The following TMIGD2 variants were observed in gnomAD, a reference collection of about 807,000 sequenced individuals.
TMIGD2 encodes transmembrane and immunoglobulin domain containing 2, also known as transmembrane and immunoglobulin domain-containing protein 2.
In TMIGD2, 18 loss-of-function variants were observed where a neutral mutation model predicts 22.6. The observed-to-expected ratio is 0.80, with a 90% CI of 0.55 to 1.18. The LOEUF (loss-of-function observed/expected upper bound fraction) is 1.18, where lower values mean the gene tolerates loss of function less well. TMIGD2 is among the 50% of genes most tolerant of loss of function. TMIGD2 has a pLI of 0.00. For synonymous variants in TMIGD2, 184 were observed against 154.1 expected, an observed-to-expected ratio of 1.19 and a Z score of -1.44; for missense variants, 361 against 378.2, an observed-to-expected ratio of 0.95 and a Z score of 0.38.
chr19:4,293,260 CTT>C (rs150388447), intron 4 of TMIGD2, among the ~76,000 whole-genome samples: 19 of 112,386 alleles, frequency 1.7e-4, no homozygotes, highest in East Asian at 5.3e-4. Context: ...CGCGCCCGGC[CTT>C]TTTTTTTTTT....
At chr19:4,296,025 C>A (rs1452808769) in intron 2 of TMIGD2, among the ~76,000 whole-genome samples, 1 of 151,996 alleles carries the variant, frequency 6.6e-6, no homozygotes, top group Non-Finnish European at 1.5e-5. Flanking sequence ...CTCAAGTGAT[C>A]CTCCCGCCTC....
At chr19:4,294,581 G>A in exon 4 of TMIGD2, 2 of 1,612,196 alleles carry the variant, frequency 1.2e-6, no homozygotes, top group South Asian at 2.2e-5. Flanking sequence ...GCTGTTACCT[G>A]AGTCCCTTTG....
At chr19:4,294,597 A>T (rs1971433740) in exon 4 of TMIGD2, 1 of 1,611,268 alleles carries the variant, frequency 6.2e-7, no homozygotes. Flanking sequence ...CTTTGCTGGC[A>T]GCTGCGGCGG....
chr19:4,294,224 C>A (rs535687879), intron 4 of TMIGD2, among the ~76,000 whole-genome samples: 1 of 151,628 alleles, frequency 6.6e-6, no homozygotes, highest in East Asian at 1.9e-4. Context: ...TCTGCCACCA[C>A]ACCTAGCTAA....
At chr19:4,294,268 C>T (rs1971427156) in intron 4 of TMIGD2, among the ~76,000 whole-genome samples, 1 of 151,536 alleles carries the variant, frequency 6.6e-6, no homozygotes, top group African/African-American at 2.4e-5. Context: ...AAGGTTTCAC[C>T]ATATTGTCCA....
chr19:4,296,510 C>T (rs1054213630), intron 2 of TMIGD2, among the ~76,000 whole-genome samples: 1 of 152,222 alleles, frequency 6.6e-6, no homozygotes, highest in African/African-American at 2.4e-5. Context: ...AGCTGCTGTT[C>T]AGGATTGGTG....
At chr19:4,296,716 C>T (rs1441599029) in intron 2 of TMIGD2, among the ~76,000 whole-genome samples, 1 of 152,192 alleles carries the variant, frequency 6.6e-6, no homozygotes, top group Non-Finnish European at 1.5e-5. Flanking sequence ...GCACGTGTCC[C>T]CCGCCAGCAG....
chr19:4,297,896 GT>G, intron 2 of TMIGD2, 89 bp downstream of exon 2: 1 of 1,402,826 alleles, frequency 7.1e-7, no homozygotes, highest in East Asian at 2.6e-5. Context: ...AGAATTTAGA[GT>G]TTTTTGTTTC....
intron 2 of TMIGD2, among the ~76,000 whole-genome samples, chr19:4,295,715 C>T (rs1181344354): frequency 2.6e-5 from 4 of 152,052 alleles, no homozygotes; most frequent in Non-Finnish European, 4.4e-5. Flanking sequence ...TTGTTTGAGC[C>T]TCTACTCCAT....
rs1414149320 is a variant in TMIGD2, at chr19:4,297,970, C to A, written c.406+16G>T. The A allele has an allele frequency of 6.5e-7, 1 of 1,548,650 alleles. No homozygotes were observed. The highest frequency in any genetic ancestry group is 1.2e-5 in the South Asian group (1 of 81,122). Reference sequence around the variant, plus strand: ...TCCTCCCCACTGCCCCTCCCTCTCCCCGCTGGCTCCCGTACCTGGGTCCAC... The same window carrying A: ...TCCTCCCCACTGCCCCTCCCTCTCCACGCTGGCTCCCGTACCTGGGTCCAC... On this transcript the variant is annotated intron_variant, in intron 2 of 4. Coordinates refer to ENST00000301272, the Ensembl canonical transcript of TMIGD2.
chr19:4,292,544 C>T (rs748937434), exon 5 of TMIGD2: 25 of 1,546,802 alleles, frequency 1.6e-5, no homozygotes, highest in Non-Finnish European at 2.1e-5. Flanking sequence ...GCCTCGATCC[C>T]CCCTTTTTTG....
intron 1 of TMIGD2, among the ~76,000 whole-genome samples, chr19:4,300,451 G>A (rs1443399271): frequency 6.6e-6 from 1 of 151,710 alleles, no homozygotes; most frequent in East Asian, 1.9e-4. Flanking sequence ...CAGCTACTCG[G>A]GAGGCTGAGG....
chr19:4,292,697 T>G, exon 5 of TMIGD2: 1 of 1,603,090 alleles, frequency 6.2e-7, no homozygotes, highest in Non-Finnish European at 8.5e-7. Context: ...TGGCCGGGCC[T>G]GGGGCTGGGG....
At chr19:4,295,031 C>T (rs1476360305) in intron 2 of TMIGD2, among the ~76,000 whole-genome samples, 1 of 151,900 alleles carries the variant, frequency 6.6e-6, no homozygotes, top group Non-Finnish European at 1.5e-5. Flanking sequence ...GAGGCTGAGG[C>T]AGGAGGATCA....
rs1226248839 is a variant in TMIGD2, at chr19:4,294,817, C to A, written c.407-1G>T. 1.9e-6 allele frequency: 3 copies of A among 1,569,678 alleles called. No individual in the cohort carries two copies. Among genetic ancestry groups the A allele is most frequent in the Non-Finnish European group, 2.6e-6 (3 of 1,159,494 alleles). ...CGGTTTCTGTTCTGTGTGGGGTCAT[C>A]TGCAGAGAAGAAATCTATGTCACGG... On this transcript the variant is annotated splice_acceptor_variant, in intron 2 of 4. Coordinates refer to ENST00000301272, the Ensembl canonical transcript of TMIGD2. LOFTEE classifies it high-confidence loss of function.
chr19:4,292,479 C>T (rs1171539604), exon 5 of TMIGD2: 1 of 1,050,906 alleles, frequency 9.5e-7, no homozygotes. Flanking sequence ...TCAAGTGTTC[C>T]ACCCGCCTCG....
chr19:4,300,953 C>T (rs1971528789), intron 1 of TMIGD2, among the ~76,000 whole-genome samples: 1 of 147,840 alleles, frequency 6.8e-6, no homozygotes, highest in Admixed American at 6.9e-5. Flanking sequence ...AAGAAATAGT[C>T]CAATTGAAGT....
intron 2 of TMIGD2, among the ~76,000 whole-genome samples, chr19:4,295,482 C>T (rs192367753): frequency 1.3e-5 from 2 of 151,552 alleles, no homozygotes; most frequent in Non-Finnish European, 2.9e-5. Context: ...ATGGTGTGAA[C>T]CCGGGAGGCG....
At chr19:4,295,942 A>G (rs1224929553) in intron 2 of TMIGD2, among the ~76,000 whole-genome samples, 2 of 152,154 alleles carry the variant, frequency 1.3e-5, no homozygotes, top group Non-Finnish European at 2.9e-5. Context: ...TTCTGGAGAC[A>G]GGGTCGCTCT....
Sources: allele counts gnomAD v4.1 joint callset (sites outside exome capture counted in the v4.1 genomes callset), GRCh38; gene constraint gnomAD v4.1.1; transcripts MANE v1.5; gene names NCBI Gene and HGNC (gene_info 2026-07-23, HGNC 2026-07-21).